DOCK2: variants seen among roughly 807,000 people sequenced by gnomAD.
DOCK2 encodes dedicator of cytokinesis protein 2.
A neutral mutation model predicts 248.9 loss-of-function variants in DOCK2; 87 were observed. The observed-to-expected ratio is 0.35, with a 90% CI of 0.29 to 0.42. The LOEUF (loss-of-function observed/expected upper bound fraction) is 0.42. DOCK2 is among the 10% of genes least tolerant of loss of function. The pLI is 1.00. For missense variants in DOCK2, 1,747 were observed against 2,300.2 expected, an observed-to-expected ratio of 0.76 and a Z score of 4.92; for synonymous variants, 805 against 821.6, an observed-to-expected ratio of 0.98 and a Z score of 0.35.
At chr5:169,870,707 C>T (rs185936771) in intron 27 of DOCK2, among the ~76,000 whole-genome samples, 5 of 152,124 alleles carry the variant, frequency 3.3e-5, no homozygotes, top group Admixed American at 3.3e-4. Flanking sequence ...CACCCATTAA[C>T]TCATCATTTA....
intron 22 of DOCK2, among the ~76,000 whole-genome samples, chr5:169,730,810 T>C (rs1762729361): frequency 6.6e-6 from 1 of 152,150 alleles, no homozygotes; most frequent in African/African-American, 2.4e-5. Context: ...TCAGCCACCA[T>C]GAATTTTTGG....
At chr5:170,068,033 A>G (rs1162736302) in intron 45 of DOCK2, among the ~76,000 whole-genome samples, 1 of 152,220 alleles carries the variant, frequency 6.6e-6, no homozygotes, top group Non-Finnish European at 1.5e-5. Context: ...TGCCAGTTGT[A>G]TAAACCCACC....
chr5:169,763,527 G>A lies in DOCK2; in HGVS notation c.2554+1902G>A, dbSNP rs1470136512. ...CACGGGCCTGGGCTGGGCATGTGGT[G>A]TCAATTCCAGCCTCTTGGAAGTCGG... On this transcript the variant is annotated intron_variant, in intron 25 of 51. Transcript: ENST00000520908. This position sits in a 1 kb window ranked among gnomAD's most constrained non-coding sequence, Gnocchi z 4.1. 2.0e-5 allele frequency among the ~76,000 whole-genome samples: 3 copies of A among 152,322 alleles called. No homozygotes were observed. Among genetic ancestry groups the A allele is most frequent in the Middle Eastern group, 3.4e-3 (1 of 294 alleles).
chr5:169,657,010 A>T (rs1053869860), intron 2 of DOCK2, among the ~76,000 whole-genome samples: 3 of 152,210 alleles, frequency 2.0e-5, no homozygotes, highest in Non-Finnish European at 4.4e-5. Context: ...AGCTGGATAT[A>T]TTCATTGGTA....
intron 23 of DOCK2, among the ~76,000 whole-genome samples, chr5:169,748,409 G>A (rs1763726897): frequency 1.3e-5 from 2 of 152,112 alleles, no homozygotes; most frequent in African/African-American, 4.8e-5. Context: ...ACAACCACCC[G>A]ACTTTCTAAT....
chr5:170,031,335 G>A (rs1209917695), intron 34 of DOCK2, among the ~76,000 whole-genome samples: 1 of 152,134 alleles, frequency 6.6e-6, no homozygotes, highest in African/African-American at 2.4e-5. Context: ...TGACAGAGAG[G>A]GGGAGTCTGG....
At chr5:170,073,154 A>G (rs927038273) in intron 46 of DOCK2, among the ~76,000 whole-genome samples, 2 of 152,234 alleles carry the variant, frequency 1.3e-5, no homozygotes, top group Non-Finnish European at 2.9e-5. Flanking sequence ...ATTTAGGTGT[A>G]TGATCCTTTT....
At chr5:169,660,788 G>A (rs1758403660) in intron 2 of DOCK2, among the ~76,000 whole-genome samples, 1 of 152,184 alleles carries the variant, frequency 6.6e-6, no homozygotes, top group South Asian at 2.1e-4. Flanking sequence ...TGTAGTGACA[G>A]GTCACTTTGA....
Position 170,069,235 on chromosome 5 carries a change from G to A in DOCK2, c.4728+15G>A. The A allele has an allele frequency of 6.2e-7, 1 of 1,612,668 alleles. No individual in the cohort carries two copies. Among genetic ancestry groups the A allele is most frequent in the Non-Finnish European group, 8.5e-7 (1 of 1,179,372 alleles). Reference sequence around the variant, plus strand: ...TTGCATGGCAGGTGAGGCAGCGCTGGCCAGGGGAGCATGCTGCTCTCCTTC... The same window carrying A: ...TTGCATGGCAGGTGAGGCAGCGCTGACCAGGGGAGCATGCTGCTCTCCTTC... On this transcript the variant is annotated intron_variant, in intron 46 of 51. Coordinates refer to ENST00000520908, the MANE Select transcript of DOCK2 (RefSeq NM_004946.3).
intron 12 of DOCK2, 83 bp downstream of exon 12, chr5:169,699,541 AC>A: frequency 3.0e-6 from 4 of 1,327,700 alleles, no homozygotes; most frequent in Non-Finnish European, 4.2e-6. Flanking sequence ...AAAATCCTGA[AC>A]CCTGGGATAC....
intron 29 of DOCK2, among the ~76,000 whole-genome samples, chr5:169,989,787 T>A (rs1778162335): frequency 6.6e-6 from 1 of 152,208 alleles, no homozygotes; most frequent in Non-Finnish European, 1.5e-5. Flanking sequence ...TAAAATGAAG[T>A]AATATGTAGA....
At chr5:169,962,083 G>A (rs1401711527) in intron 27 of DOCK2, among the ~76,000 whole-genome samples, 1 of 152,064 alleles carries the variant, frequency 6.6e-6, no homozygotes, top group Non-Finnish European at 1.5e-5. Context: ...CAGAGTGGTG[G>A]CTGATGAACC....
At chr5:169,999,498 T>C (rs1754759746) in intron 30 of DOCK2, among the ~76,000 whole-genome samples, 1 of 152,216 alleles carries the variant, frequency 6.6e-6, no homozygotes. Flanking sequence ...GGAATGCATG[T>C]CAGTCCTTGA....
chr5:170,055,488 C>A, intron 42 of DOCK2, 102 bp downstream of exon 42: 1 of 1,058,374 alleles, frequency 9.4e-7, no homozygotes, highest in East Asian at 2.5e-5. Flanking sequence ...TTTCTAGTTC[C>A]TTCTCTATCT....
At chr5:169,838,577 G>C (rs1248116927) in intron 26 of DOCK2, among the ~76,000 whole-genome samples, 1 of 152,152 alleles carries the variant, frequency 6.6e-6, no homozygotes, top group Non-Finnish European at 1.5e-5. Context: ...CAGGAGAGAG[G>C]TTCATCTTTG....
intron 26 of DOCK2, among the ~76,000 whole-genome samples, chr5:169,814,680 A>T (rs1767958263): frequency 6.6e-6 from 1 of 152,178 alleles, no homozygotes; most frequent in African/African-American, 2.4e-5. Flanking sequence ...ATTATTTCAA[A>T]ATTTAAAATG....
chr5:169,996,932 G>C (rs887454414), intron 30 of DOCK2, among the ~76,000 whole-genome samples: 6 of 152,316 alleles, frequency 3.9e-5, no homozygotes, highest in African/African-American at 1.4e-4. Context: ...TGGGACGAGA[G>C]ATTTGGAAAA....
At chr5:170,053,808 G>A (rs1561899921) in intron 41 of DOCK2, among the ~76,000 whole-genome samples, 1 of 152,192 alleles carries the variant, frequency 6.6e-6, no homozygotes, top group African/African-American at 2.4e-5. Flanking sequence ...AAGTTCATCA[G>A]ACAGAGGCAA....
intron 29 of DOCK2, among the ~76,000 whole-genome samples, chr5:169,992,443 A>G (rs1319099294): frequency 6.6e-6 from 1 of 152,214 alleles, no homozygotes; most frequent in African/African-American, 2.4e-5. Flanking sequence ...ACTTTACCAT[A>G]TGAGTGCTTA....
Sources: allele counts gnomAD v4.1 joint callset (sites outside exome capture counted in the v4.1 genomes callset), GRCh38; gene constraint gnomAD v4.1.1; non-coding constraint Gnocchi (gnomAD v3.1); transcripts MANE v1.5; gene names NCBI Gene and HGNC (gene_info 2026-07-23, HGNC 2026-07-21).